Variants in MATN2 observed in about 807,000 individuals in gnomAD.
MATN2 encodes the protein matrilin 2, also known as matrilin-2.
Under a neutral mutation model 103.2 loss-of-function variants are expected in MATN2, and 69 were observed. The ratio of observed to expected loss-of-function variants is 0.67; its 90% CI spans 0.55 to 0.82. The LOEUF (loss-of-function observed/expected upper bound fraction) is 0.82. Ranked by LOEUF, MATN2 falls within the 40% of genes least tolerant of loss-of-function variation. MATN2 has a pLI of 0.00. For missense variants in MATN2, 1,023 were observed against 1,211.5 expected (o/e 0.84, Z 2.31); for synonymous variants, 429 against 450.2 (o/e 0.95, Z 0.60).
chr8:97,993,960 ACG>A (rs1812478371), intron 6 of MATN2, among the ~76,000 whole-genome samples: 1 of 151,948 alleles, frequency 6.6e-6, no homozygotes, highest in Admixed American at 6.6e-5. Context: ...TGTTGCATAA[ACG>A]TTTTGTAATA....
intron 3 of MATN2, among the ~76,000 whole-genome samples, chr8:97,934,328 T>C (rs915779559): frequency 6.6e-6 from 1 of 152,088 alleles, no homozygotes; most frequent in African/African-American, 2.4e-5. Context: ...AGTGAACAGG[T>C]GTTGTAAATG....
chr8:97,951,753 T>G (rs1810961477), intron 4 of MATN2, among the ~76,000 whole-genome samples: 1 of 152,202 alleles, frequency 6.6e-6, no homozygotes, highest in African/African-American at 2.4e-5. Context: ...TTATTTATTA[T>G]TTTTGTCAAC....
chr8:97,889,459 CTATATATATATA>C (rs56115197), intron 2 of MATN2, among the ~76,000 whole-genome samples: 68 of 123,062 alleles, frequency 5.5e-4, no homozygotes, highest in Admixed American at 7.7e-4. Context: ...CTCTCTCTGT[CTATATATATATA>C]TATATATATA....
chr8:97,995,261 C>A (rs1382178173), intron 7 of MATN2, among the ~76,000 whole-genome samples: 1 of 152,196 alleles, frequency 6.6e-6, no homozygotes, highest in South Asian at 2.1e-4. Flanking sequence ...TTATCTTTTT[C>A]TCGCTGCTGA....
chr8:97,876,185 T>C (rs1055096059), intron 1 of MATN2, among the ~76,000 whole-genome samples: 13 of 131,396 alleles, frequency 9.9e-5, no homozygotes, highest in African/African-American at 4.6e-4. Context: ...CTAATTATTG[T>C]ATTTTTTTTT....
chr8:97,911,717 A>G (rs1010187995), intron 2 of MATN2, among the ~76,000 whole-genome samples: 2 of 152,026 alleles, frequency 1.3e-5, no homozygotes, highest in African/African-American at 2.4e-5. Flanking sequence ...AAAAAAAAAT[A>G]AAATAAAAAA....
intron 1 of MATN2, among the ~76,000 whole-genome samples, chr8:97,883,882 G>GT (rs1380148542): frequency 6.6e-6 from 1 of 152,044 alleles, no homozygotes; most frequent in Non-Finnish European, 1.5e-5. Flanking sequence ...TAGAGACAGG[G>GT]TTTTGCCATG....
At chr8:97,875,443 A>T (rs1357026507) in intron 1 of MATN2, among the ~76,000 whole-genome samples, 1 of 152,160 alleles carries the variant, frequency 6.6e-6, no homozygotes, top group Non-Finnish European at 1.5e-5. Context: ...TCAGAGGAAC[A>T]TATAAAAAGG....
intron 4 of MATN2, among the ~76,000 whole-genome samples, chr8:97,948,944 A>G (rs1468883342): frequency 6.6e-6 from 1 of 152,218 alleles, no homozygotes; most frequent in East Asian, 1.9e-4. Context: ...TTGGAATAAA[A>G]CATTTGCAAA....
chr8:98,016,553 T>C lies in MATN2; in HGVS notation c.1587T>C (p.Cys529=). 1 of 1,609,230 alleles carries C rather than the reference T, an allele frequency of 6.2e-7. No homozygotes were observed. The highest frequency in any genetic ancestry group is 8.5e-7 in the Non-Finnish European group (1 of 1,177,378). ...TTTGATTCTCAGAATTGGACTCTTGTGCTCTGGGGGACCACGGTTGTGAAC... is the reference window on the plus strand; with the variant it reads ...TTTGATTCTCAGAATTGGACTCTTGCGCTCTGGGGGACCACGGTTGTGAAC... ...DGKTCAKLDS[C]ALGDHGCEHS... is the part of the protein sequence containing the mutation. Residue 529 remains cysteine (C), a synonymous_variant, in exon 11 of 19, where the codon TGT becomes TGC. Transcript: ENST00000254898.
rs1179145063 is a variant in MATN2, at chr8:97,994,576, T to G, written c.1178T>G (p.Leu393Arg). 2 of 1,612,902 alleles carry G rather than the reference T, an allele frequency of 1.2e-6. No homozygotes were observed. Among genetic ancestry groups the G allele is most frequent in the Admixed American group, 3.4e-5 (2 of 59,662 alleles). The change falls in exon 7 of 19, where the codon CTG becomes CGG. Residue 393 changes from leucine (L) to arginine (R), a missense_variant. Leu to Arg is a moderately radical substitution (Grantham distance 102). Transcript: ENST00000254898. ...TGCCACTGCCTGAAAGGCTTTACCC[T>G]GAATCCAGATAAGAAAACCTGCAGA... ...YSCHCLKGFT[L>R]NPDKKTCRRI...
At position 98,018,086 on chromosome 8, in the gene MATN2, C is replaced by T. The variant is rs775649784; in HGVS notation, c.1789C>T (p.Arg597Trp). ...SYTCECLEGFRLAEDGKRCRR... is the reference protein window; with the variant it reads ...SYTCECLEGFWLAEDGKRCRR... Reference sequence around the variant, plus strand: ...CACGTGCGAGTGCTTGGAGGGATTCCGGCTCGCTGAGGATGGGAAACGCTG... The same window carrying T: ...CACGTGCGAGTGCTTGGAGGGATTCTGGCTCGCTGAGGATGGGAAACGCTG... The change falls in exon 12 of 19, where the codon CGG (arginine) becomes TGG (tryptophan). Residue 597 changes from arginine (R) to tryptophan (W), a missense_variant. Physicochemically the swap from Arg to Trp is moderately radical, Grantham distance 101. Coordinates refer to ENST00000254898, the MANE Select transcript of MATN2 (RefSeq NM_002380.5). The T allele has an allele frequency of 1.5e-5, 25 of 1,613,744 alleles. No individual in the cohort carries two copies. Among genetic ancestry groups the T allele is most frequent in the South Asian group, 2.2e-5 (2 of 91,064 alleles).
intron 4 of MATN2, among the ~76,000 whole-genome samples, chr8:97,951,196 G>A (rs55972155): frequency 0.21 from 31,595 of 152,150 alleles, 4,043 homozygotes; most frequent in Middle Eastern, 0.3. Flanking sequence ...GGGTCTGGGA[G>A]CTTAGGGATC....
chr8:97,956,041 G>A (rs919583340), intron 4 of MATN2, among the ~76,000 whole-genome samples: 3 of 152,244 alleles, frequency 2.0e-5, no homozygotes, highest in Non-Finnish European at 2.9e-5. Flanking sequence ...TCAAGGGCAA[G>A]CAGAGGTAGA....
At chr8:97,996,110 T>A (rs973518462) in intron 7 of MATN2, among the ~76,000 whole-genome samples, 3 of 152,168 alleles carry the variant, frequency 2.0e-5, no homozygotes, top group Non-Finnish European at 4.4e-5. Flanking sequence ...GGTGATTAGA[T>A]CTGGTTCAGC....
chr8:97,984,273 G>A (rs758360316), intron 6 of MATN2, among the ~76,000 whole-genome samples: 10 of 152,228 alleles, frequency 6.6e-5, no homozygotes, highest in Non-Finnish European at 7.3e-5. Context: ...CTTAGAAAGT[G>A]ATTCCCTAGA....
In MATN2 at chr8:97,997,027, A is replaced by G. The variant is rs944574264; in HGVS notation, c.1204+2425A>G. On this transcript the variant is annotated intron_variant, in intron 7 of 18. Coordinates refer to ENST00000254898, the MANE Select transcript of MATN2 (RefSeq NM_002380.5). ...TGGCCAGGATTTGTTCTTGCTCCTC[A>G]TCTGGGCACAATTTCTCCTCATGGA... 3.9e-5 allele frequency among the ~76,000 whole-genome samples: 6 copies of G among 152,372 alleles called. 1 individual carries two copies. The highest frequency in any genetic ancestry group is 3.9e-4 in the Admixed American group (6 of 15,312).
chr8:97,952,319 G>A (rs1810981387), intron 4 of MATN2: 2 of 152,340 alleles, frequency 1.3e-5, no homozygotes, highest in South Asian at 4.1e-4. Context: ...GTCTCCTAAA[G>A]GTGTTCATTT....
chr8:97,969,744 T>G (rs960006240), intron 5 of MATN2, among the ~76,000 whole-genome samples: 1 of 152,138 alleles, frequency 6.6e-6, no homozygotes, highest in Admixed American at 6.5e-5. Flanking sequence ...GAGTCACAGA[T>G]TCACCGCTGC....
Sources: allele counts gnomAD v4.1 joint callset (sites outside exome capture counted in the v4.1 genomes callset), GRCh38; gene constraint gnomAD v4.1.1; transcripts MANE v1.5; gene names NCBI Gene and HGNC (gene_info 2026-07-23, HGNC 2026-07-21).